The following STN1 variants were observed in gnomAD, a reference collection of about 807,000 sequenced individuals.
STN1 encodes the protein CST complex subunit STN1.
In STN1, 29 loss-of-function variants were observed where a neutral mutation model predicts 45.5. That is an observed-to-expected ratio of 0.64 (90% confidence interval 0.47 to 0.87). STN1 has a LOEUF of 0.87. STN1 is among the 40% of genes least tolerant of loss of function. The probability of loss-of-function intolerance (pLI) is 0.00; values close to 1 mark genes in which losing one functional copy is unlikely to be tolerated. For synonymous variants in STN1, 148 were observed against 159.0 expected, an observed-to-expected ratio of 0.93 and a Z score of 0.52; for missense variants, 376 against 441.4, an observed-to-expected ratio of 0.85 and a Z score of 1.33.
At chr10:103,913,614 C>T (rs542065090) in intron 2 of STN1, among the ~76,000 whole-genome samples, 4 of 152,176 alleles carry the variant, frequency 2.6e-5, no homozygotes, top group African/African-American at 7.2e-5. Flanking sequence ...GTGAACTATA[C>T]GTATCAGATG....
chr10:103,914,058 TTTTAG>T (rs1213241247), intron 2 of STN1, among the ~76,000 whole-genome samples: 2 of 152,156 alleles, frequency 1.3e-5, no homozygotes, highest in Admixed American at 1.3e-4. Context: ...ATTGCTCTCT[TTTTAG>T]TTTAACTGCT....
intron 3 of STN1, among the ~76,000 whole-genome samples, chr10:103,905,707 C>G (rs1055919416): frequency 1.3e-5 from 2 of 152,164 alleles, no homozygotes; most frequent in Admixed American, 1.3e-4. Flanking sequence ...TTGCCCAGTC[C>G]TCACCACCGC....
intron 9 of STN1, among the ~76,000 whole-genome samples, chr10:103,885,467 C>T (rs1843097511): frequency 6.6e-6 from 1 of 152,198 alleles, no homozygotes; most frequent in Non-Finnish European, 1.5e-5. Context: ...AGGCCTTCAA[C>T]TATTTAGTCA....
rs1554837551 is a variant in STN1 at position 103,914,374 on chromosome 10, A to ATATT, written c.133+3087_133+3088insAATA. Among the ~76,000 whole-genome samples, 186 of 97,358 alleles carry ATATT rather than the reference A, an allele frequency of 1.9e-3. 6 individuals carry two copies. Among genetic ancestry groups the ATATT allele is most frequent in the African/African-American group, 7.8e-3 (159 of 20,422 alleles). 63.9% of individuals were successfully genotyped at this position (97,358 alleles called of 152,430 possible). On this transcript the variant is annotated intron_variant, in intron 2 of 9. Coordinates refer to ENST00000224950, the MANE Select transcript of STN1 (RefSeq NM_024928.5). ...TATATATATATATATATATATATAT[A>ATATT]TTTTTTTTTTTTTTTTTTGAGACAG...
intron 4 of STN1, among the ~76,000 whole-genome samples, chr10:103,902,019 C>A (rs1416686842): frequency 5.3e-5 from 8 of 152,166 alleles, no homozygotes; most frequent in African/African-American, 9.7e-5. Context: ...ACAAGATGAT[C>A]TACTCTCTGT....
intron 8 of STN1, 103 bp downstream of exon 8, chr10:103,892,027 C>T (rs1843142762): frequency 3.3e-5 from 31 of 952,152 alleles, no homozygotes; most frequent in Non-Finnish European, 4.6e-5. Context: ...TTTTATGTAC[C>T]TCCTTAATGA....
chr10:103,893,238 A>G (rs528044497), intron 7 of STN1, among the ~76,000 whole-genome samples: 4 of 151,846 alleles, frequency 2.6e-5, no homozygotes, highest in South Asian at 2.1e-4. Flanking sequence ...GCGCGATCTC[A>G]GCTCACTGCA....
At chr10:103,895,989 G>C (rs1244311064) in intron 7 of STN1, among the ~76,000 whole-genome samples, 1 of 152,182 alleles carries the variant, frequency 6.6e-6, no homozygotes, top group South Asian at 2.1e-4. Flanking sequence ...GCTACCATCT[G>C]TGTGAAACAG....
At chr10:103,895,777 AG>A (rs1029549838) in intron 7 of STN1, among the ~76,000 whole-genome samples, 2 of 152,242 alleles carry the variant, frequency 1.3e-5, no homozygotes, top group Non-Finnish European at 2.9e-5. Context: ...TATGTTACCT[AG>A]CAAGGGTGTT....
At chr10:103,909,529 TAC>T (rs1564635209) in intron 3 of STN1, among the ~76,000 whole-genome samples, 2 of 85,088 alleles carry the variant, frequency 2.4e-5, no homozygotes, top group Admixed American at 1.5e-4. Context: ...TATATATATG[TAC>T]ATATATATGT....
intron 7 of STN1, among the ~76,000 whole-genome samples, chr10:103,892,794 T>C (rs982496213): frequency 2.6e-5 from 4 of 152,192 alleles, no homozygotes; most frequent in Non-Finnish European, 2.9e-5. Flanking sequence ...GCAGTCCTGG[T>C]GAAGCACAGT....
Position 103,882,797 on chromosome 10 carries a change from G to A in STN1, c.994C>T (p.Arg332Cys), listed in dbSNP as rs758924832. ...CHFLHILACA[R>C]LSIRPGLSEA... ...CTCAGGCCCGGGCGGATGCTCAGGC[G>A]AGCACAGGCCAAGATGTGCAGGAAG... is the stretch of plus-strand genomic sequence containing the variant. The change falls in exon 10 of 10, where the codon CGC becomes TGC. Residue 332 changes from arginine (R) to cysteine (C), a missense_variant. By Grantham distance (180) the Arg-to-Cys change is radical. Coordinates refer to ENST00000224950, the MANE Select transcript of STN1 (RefSeq NM_024928.5). The A allele has an allele frequency of 1.5e-5, 24 of 1,613,970 alleles. No individual in the cohort carries two copies. Among genetic ancestry groups the A allele is most frequent in the East Asian group, 2.2e-5 (1 of 44,894 alleles).
rs767922406 is a variant in STN1 at position 103,897,553 on chromosome 10, C to G, written c.748G>C (p.Asp250His). 1 of 1,613,834 alleles carries G rather than the reference C, an allele frequency of 6.2e-7. No individual in the cohort carries two copies. ...NQPVIHSASS[D>H]QVNFKKDTTS... Reference sequence around the variant, plus strand: ...CATGGGCATGCTGCACTCACTTGGTCGGAGGAGGCACTGTGAATCACAGGC... The same window carrying G: ...CATGGGCATGCTGCACTCACTTGGTGGGAGGAGGCACTGTGAATCACAGGC... Residue 250 changes from aspartate to histidine, a missense_variant, in exon 7 of 10, where the codon GAC becomes CAC. Physicochemically the swap from Asp to His is moderately conservative, Grantham distance 81. Coordinates refer to ENST00000224950, the MANE Select transcript of STN1 (RefSeq NM_024928.5).
chr10:103,897,630 A>G lies in STN1; in HGVS notation c.671T>C (p.Phe224Ser), dbSNP rs767979237. 2 of 1,614,160 alleles carry G rather than the reference A, an allele frequency of 1.2e-6. No homozygotes were observed. Among genetic ancestry groups the G allele is most frequent in the South Asian group, 2.2e-5 (2 of 91,074 alleles). Residue 224 changes from phenylalanine to serine, a missense_variant, in exon 7 of 10, where the codon TTT (phenylalanine) becomes TCT (serine). Transcript: ENST00000224950. ...EFLMENRVQSFYQQELEMVES... is the reference protein window; with the variant it reads ...EFLMENRVQSSYQQELEMVES... ...CACCATTTCCAGCTCCTGCTGGTAA[A>G]AGCTCTGCACTCTGTTCTCCATGAG... is the stretch of plus-strand genomic sequence containing the variant.
intron 3 of STN1, among the ~76,000 whole-genome samples, chr10:103,907,151 TC>T (rs768320308): frequency 6.6e-6 from 1 of 152,202 alleles, no homozygotes; most frequent in Non-Finnish European, 1.5e-5. Flanking sequence ...AATGTATATA[TC>T]CTTTGACTTA....
intron 4 of STN1, among the ~76,000 whole-genome samples, chr10:103,903,030 T>C (rs1185197306): frequency 6.6e-6 from 1 of 152,242 alleles, no homozygotes; most frequent in Non-Finnish European, 1.5e-5. Flanking sequence ...CTGATGATGC[T>C]ATTTCTTTAA....
intron 4 of STN1, among the ~76,000 whole-genome samples, chr10:103,900,695 GTC>G (rs370987366): frequency 0.025 from 3,679 of 148,802 alleles, 106 homozygotes; most frequent in African/African-American, 0.075. Flanking sequence ...TAATCTCTCT[GTC>G]TCTCTCTCTC....
At chr10:103,902,015 T>C (rs1203755129) in intron 4 of STN1, among the ~76,000 whole-genome samples, 1 of 152,228 alleles carries the variant, frequency 6.6e-6, no homozygotes, top group Non-Finnish European at 1.5e-5. Flanking sequence ...TTACACAAGA[T>C]GATCTACTCT....
intron 6 of STN1, among the ~76,000 whole-genome samples, chr10:103,898,101 T>C (rs1295215103): frequency 6.6e-6 from 1 of 152,198 alleles, no homozygotes; most frequent in Admixed American, 6.5e-5. Context: ...TGGGGAATGG[T>C]CCTGAGGCAG....
Sources: allele counts gnomAD v4.1 joint callset (sites outside exome capture counted in the v4.1 genomes callset), GRCh38; gene constraint gnomAD v4.1.1; transcripts MANE v1.5; gene names NCBI Gene and HGNC (gene_info 2026-07-23, HGNC 2026-07-21).